TAMM41: variants seen among roughly 807,000 people sequenced by gnomAD.
The protein encoded by TAMM41 is TAM41 mitochondrial translocator assembly and maintenance homolog, also known as phosphatidate cytidylyltransferase, mitochondrial.
TAMM41 carries 36 observed loss-of-function variants against 44.1 expected under a neutral mutation model. That is an observed-to-expected ratio of 0.82 (90% CI 0.63 to 1.08). The LOEUF (loss-of-function observed/expected upper bound fraction) is 1.08, where lower values mean the gene tolerates loss of function less well. Among genes scored for constraint, TAMM41 ranks in the 50% least tolerant of loss-of-function variants. The pLI, the probability that TAMM41 is intolerant of heterozygous loss-of-function variation, is 0.00. For missense variants in TAMM41, 417 were observed against 404.3 expected (o/e 1.03, Z -0.27); for synonymous variants, 164 against 153.1 (o/e 1.07, Z -0.53).
At chr3:11,845,327 C>A (rs1275324759) in intron 1 of TAMM41, among the ~76,000 whole-genome samples, 2 of 152,094 alleles carry the variant, frequency 1.3e-5, no homozygotes, top group Admixed American at 1.3e-4. Flanking sequence ...GAATCTACAA[C>A]TTGTTCACTT....
the TAMM41 span, among the ~76,000 whole-genome samples, chr3:11,728,239 C>G: frequency 6.6e-6 from 1 of 152,200 alleles, no homozygotes; most frequent in Admixed American, 6.5e-5. Context: ...GTAATTCAAC[C>G]TATGTATTGA....
chr3:11,808,017 T>C, intron 6 of TAMM41, 122 bp from the exon 7 acceptor site: 2 of 1,429,286 alleles, frequency 1.4e-6, no homozygotes, highest in Non-Finnish European at 1.8e-6. Context: ...ACCAAATCTA[T>C]CTCTGTCCTG....
At chr3:11,747,456 C>A in the TAMM41 span, among the ~76,000 whole-genome samples, 1 of 152,140 alleles carries the variant, frequency 6.6e-6, no homozygotes, top group South Asian at 2.1e-4. Context: ...TTGAACTGCA[C>A]ACTTAAAATA....
intron 6 of TAMM41, chr3:11,808,607 C>T: frequency 2.0e-6 from 2 of 985,434 alleles, no homozygotes; most frequent in Non-Finnish European, 2.4e-6. Context: ...GGAGAATGCA[C>T]TCAATTGACA....
the TAMM41 span, among the ~76,000 whole-genome samples, chr3:11,731,329 G>A: frequency 3.3e-5 from 5 of 151,942 alleles, no homozygotes; most frequent in African/African-American, 1.2e-4. Flanking sequence ...GGACATAGAA[G>A]CGTTAAGAAC....
At chr3:11,815,694 TTGGTA>T (rs1383130112) in intron 5 of TAMM41, among the ~76,000 whole-genome samples, 1 of 151,986 alleles carries the variant, frequency 6.6e-6, no homozygotes, top group Non-Finnish European at 1.5e-5. Context: ...GAGTGTGTAA[TTGGTA>T]TAAGAATTGA....
chr3:11,792,904 A>G (rs2077513425), intron 7 of TAMM41, among the ~76,000 whole-genome samples: 1 of 152,058 alleles, frequency 6.6e-6, no homozygotes, highest in Non-Finnish European at 1.5e-5. Context: ...TACTAAAAAT[A>G]CAAAAAATTA....
chr3:11,829,397 A>G (rs1436915849), intron 4 of TAMM41, among the ~76,000 whole-genome samples: 2 of 152,246 alleles, frequency 1.3e-5, no homozygotes, highest in African/African-American at 2.4e-5. Context: ...GTGCAATGTT[A>G]AAATTGGCGA....
At chr3:11,828,341 C>T (rs888836203) in intron 4 of TAMM41, among the ~76,000 whole-genome samples, 1 of 152,168 alleles carries the variant, frequency 6.6e-6, no homozygotes, top group Admixed American at 6.5e-5. Context: ...GCAGCTATGT[C>T]ATTTGGTAAA....
At chr3:11,799,390 T>C (rs1264750573) in intron 7 of TAMM41, among the ~76,000 whole-genome samples, 1 of 152,216 alleles carries the variant, frequency 6.6e-6, no homozygotes, top group African/African-American at 2.4e-5. Flanking sequence ...AGGTTGTAAT[T>C]TGAGCTCTAG....
At chr3:11,785,646 G>A (rs754779894), downstream of TAMM41, among the ~76,000 whole-genome samples, 2 of 151,456 alleles carry the variant, frequency 1.3e-5, no homozygotes, top group South Asian at 2.1e-4. Flanking sequence ...TCAGAGTCTC[G>A]CTCTCTCACC....
chr3:11,755,188 C>T, the TAMM41 span, among the ~76,000 whole-genome samples: 1 of 152,124 alleles, frequency 6.6e-6, no homozygotes, highest in Admixed American at 6.6e-5. Context: ...AGGGTGGACT[C>T]AGGGTAGAAG....
chr3:11,804,972 G>A (rs979587870), intron 7 of TAMM41, among the ~76,000 whole-genome samples: 19 of 149,436 alleles, frequency 1.3e-4, no homozygotes, highest in African/African-American at 3.2e-4. Context: ...TCAGGACTAC[G>A]GGCGCGCACC....
At chr3:11,840,120 CT>C (rs1295980697) in intron 2 of TAMM41, among the ~76,000 whole-genome samples, 2 of 152,168 alleles carry the variant, frequency 1.3e-5, no homozygotes, top group Non-Finnish European at 2.9e-5. Flanking sequence ...CCCTAGTCCC[CT>C]GTTCACCAAA....
chr3:11,729,008 C>CAA, the TAMM41 span, among the ~76,000 whole-genome samples: 7 of 116,124 alleles, frequency 6.0e-5, no homozygotes, highest in Non-Finnish European at 1.2e-4. Flanking sequence ...GACTCTGTCT[C>CAA]AAAAAAAAAA....
At chr3:11,843,202 C>T (rs1041129831) in intron 2 of TAMM41, among the ~76,000 whole-genome samples, 2 of 152,174 alleles carry the variant, frequency 1.3e-5, no homozygotes, top group African/African-American at 2.4e-5. Flanking sequence ...AATCAATCTC[C>T]AACCTGACCC....
intron 6 of TAMM41, 127 bp from the exon 7 acceptor site, chr3:11,808,022 G>C (rs889109300): frequency 1.1e-5 from 16 of 1,424,388 alleles, no homozygotes; most frequent in African/African-American, 2.9e-5. Flanking sequence ...ATCTATCTCT[G>C]TCCTGCTGTC....
chr3:11,773,597 T>C, the TAMM41 span, among the ~76,000 whole-genome samples: 2 of 152,130 alleles, frequency 1.3e-5, no homozygotes, highest in African/African-American at 4.8e-5. Context: ...CAAGCAGTAA[T>C]GGAGACACTT....
At chr3:11,772,646 CAT>C in the TAMM41 span, among the ~76,000 whole-genome samples, 59 of 152,244 alleles carry the variant, frequency 3.9e-4, 1 homozygote, top group East Asian at 0.011. Context: ...GTCATAAACA[CAT>C]GAGTGCATGC....
Sources: allele counts gnomAD v4.1 joint callset (sites outside exome capture counted in the v4.1 genomes callset), GRCh38; gene constraint gnomAD v4.1.1; transcripts MANE v1.5; gene names NCBI Gene and HGNC (gene_info 2026-07-23, HGNC 2026-07-21).